Variants in CYP20A1 observed in about 807,000 individuals in gnomAD.
The protein encoded by CYP20A1 is cytochrome P450 20A1.
A neutral mutation model predicts 61.4 loss-of-function variants in CYP20A1; 61 were observed. The observed-to-expected ratio is 0.99, with a 90% CI of 0.81 to 1.23. The LOEUF is 1.23. CYP20A1 is among the 50% of genes most tolerant of loss of function. CYP20A1 has a pLI of 0.00. For synonymous variants in CYP20A1, 193 were observed against 188.2 expected, an observed-to-expected ratio of 1.03 and a Z score of -0.21; for missense variants, 530 against 542.4, an observed-to-expected ratio of 0.98 and a Z score of 0.23.
intron 6 of CYP20A1, among the ~76,000 whole-genome samples, chr2:203,273,993 A>G (rs963004271): frequency 6.6e-6 from 1 of 152,098 alleles, no homozygotes. Context: ...AATTCTTGCC[A>G]TTATAACATT....
Position 203,239,151 on chromosome 2 carries a change from C to T in CYP20A1, c.72+17C>T, listed in dbSNP as rs2066148700. Reference sequence around the variant, plus strand: ...CTCTATCCGGTGAGCGCCGTCTTGGCTCTCTGGGGCCCCGGGCGCCGCCCC... The same window carrying T: ...CTCTATCCGGTGAGCGCCGTCTTGGTTCTCTGGGGCCCCGGGCGCCGCCCC... On this transcript the variant is annotated intron_variant, in intron 1 of 12. Transcript: ENST00000356079. The T allele has an allele frequency of 6.2e-7, 1 of 1,609,136 alleles. No individual in the cohort carries two copies. The highest frequency in any genetic ancestry group is 1.1e-5 in the South Asian group (1 of 91,002).
chr2:203,261,767 C>T (rs2067146762), intron 4 of CYP20A1, among the ~76,000 whole-genome samples: 1 of 151,672 alleles, frequency 6.6e-6, no homozygotes. Context: ...TGCTATGGTG[C>T]CATATTAGCA....
At chr2:203,264,992 G>A (rs1408816206) in intron 4 of CYP20A1, among the ~76,000 whole-genome samples, 1 of 152,200 alleles carries the variant, frequency 6.6e-6, no homozygotes, top group Admixed American at 6.5e-5. Context: ...GCCTCCCAAA[G>A]TGCTGAGATT....
chr2:203,281,838 G>T (rs1039996786), intron 8 of CYP20A1, among the ~76,000 whole-genome samples: 4 of 151,842 alleles, frequency 2.6e-5, no homozygotes, highest in African/African-American at 9.7e-5. Flanking sequence ...ATTAGGACAT[G>T]AATTTAAATT....
intron 8 of CYP20A1, among the ~76,000 whole-genome samples, chr2:203,283,767 T>C (rs1056612111): frequency 2.0e-4 from 31 of 151,724 alleles, no homozygotes; most frequent in Non-Finnish European, 2.5e-4. Flanking sequence ...CAGGATGGTC[T>C]CGTTCTCTTG....
At position 203,296,829 on chromosome 2, in the gene CYP20A1, G is replaced by A. The variant is rs762579762; in HGVS notation, c.1310G>A (p.Gly437Glu). 34 of 1,611,816 alleles carry A rather than the reference G, an allele frequency of 2.1e-5. No homozygotes were observed. Among genetic ancestry groups the A allele is most frequent in the Non-Finnish European group, 2.8e-5 (33 of 1,179,130 alleles). ...AGACTGCACCTACTTTCTGTGGAGG[G>A]ACAGGTTATTGAAACAAAGTATGAA... ...VKRLHLLSVE[G>E]QVIETKYELV... The change falls in exon 13 of 13, where the codon GGA becomes GAA. Residue 437 changes from glycine (G) to glutamate (E), a missense_variant. By Grantham distance (98) the Gly-to-Glu change is moderately conservative. Coordinates refer to ENST00000356079, the MANE Select transcript of CYP20A1 (RefSeq NM_177538.3).
intron 4 of CYP20A1, among the ~76,000 whole-genome samples, chr2:203,260,887 C>T (rs1245184125): frequency 6.6e-6 from 1 of 152,072 alleles, no homozygotes; most frequent in Non-Finnish European, 1.5e-5. Context: ...AGTTTGTTTT[C>T]CTGCTTTATT....
Position 203,273,730 on chromosome 2 carries a change from G to C in CYP20A1, c.679+982G>C, listed in dbSNP as rs184015974. Among the ~76,000 whole-genome samples the C allele has an allele frequency of 7.3e-4, 111 of 152,248 alleles. 2 individuals carry two copies. Among genetic ancestry groups the C allele is most frequent in the Middle Eastern group, 3.4e-3 (1 of 294 alleles). On this transcript the variant is annotated intron_variant, in intron 6 of 12. Transcript: ENST00000356079. ...AGGCTGAGGTAGGCAGATTACTTGA[G>C]GCCAGGAGTTCGAGACCAATCTAGC...
At chr2:203,268,369 G>A (rs2067420356) in intron 5 of CYP20A1, among the ~76,000 whole-genome samples, 1 of 152,056 alleles carries the variant, frequency 6.6e-6, no homozygotes, top group Non-Finnish European at 1.5e-5. Context: ...TCTTTAATCT[G>A]GAACAGTTCC....
intron 11 of CYP20A1, among the ~76,000 whole-genome samples, chr2:203,295,311 G>A (rs13035339): frequency 0.019 from 2,882 of 152,046 alleles, 37 homozygotes; most frequent in East Asian, 0.051. Flanking sequence ...CTGGGCTCAA[G>A]CAATCCTCCC....
chr2:203,285,764 A>G, intron 9 of CYP20A1, 32 bp downstream of exon 9: 1 of 1,508,926 alleles, frequency 6.6e-7, no homozygotes, highest in Non-Finnish European at 8.8e-7. Context: ...GAGATTATTA[A>G]AAGGTAAATT....
chr2:203,257,971 A>C (rs2066970281), intron 4 of CYP20A1, among the ~76,000 whole-genome samples: 6 of 152,334 alleles, frequency 3.9e-5, no homozygotes, highest in East Asian at 1.9e-4. Context: ...GCACAATTAT[A>C]GCTCACTGGA....
intron 8 of CYP20A1, among the ~76,000 whole-genome samples, chr2:203,283,168 C>T (rs1293059680): frequency 6.7e-6 from 1 of 149,970 alleles, no homozygotes; most frequent in Non-Finnish European, 1.5e-5. Flanking sequence ...CAGAGTGTGA[C>T]CCTATCTAAA....
At chr2:203,287,100 T>G (rs2068304435) in intron 9 of CYP20A1, among the ~76,000 whole-genome samples, 1 of 149,302 alleles carries the variant, frequency 6.7e-6, no homozygotes. Context: ...ATGGCTGTAG[T>G]CCTAGCTACT....
chr2:203,277,025 A>G (rs916035742), intron 6 of CYP20A1, among the ~76,000 whole-genome samples: 5 of 152,140 alleles, frequency 3.3e-5, no homozygotes, highest in Admixed American at 6.6e-5. Context: ...TGTGGAGTCT[A>G]GGGGAGTATA....
intron 8 of CYP20A1, among the ~76,000 whole-genome samples, chr2:203,283,578 C>G (rs1166296067): frequency 7.6e-6 from 1 of 131,024 alleles, no homozygotes; most frequent in Non-Finnish European, 1.6e-5. Flanking sequence ...GAGACTGAGT[C>G]TTGCTCTGTC....
chr2:203,286,900 T>C (rs1024548074), intron 9 of CYP20A1, among the ~76,000 whole-genome samples: 1 of 151,956 alleles, frequency 6.6e-6, no homozygotes, highest in Non-Finnish European at 1.5e-5. Flanking sequence ...AACCCTATCT[T>C]GGAGCATAAA....
In CYP20A1 at chr2:203,278,635, A is replaced by G; in HGVS notation, c.742A>G (p.Ser248Gly). The change falls in exon 7 of 13, where the codon AGT becomes GGT. Residue 248 changes from serine to glycine, a missense_variant. Ser to Gly is a moderately conservative substitution (Grantham distance 56). Coordinates refer to ENST00000356079, the MANE Select transcript of CYP20A1 (RefSeq NM_177538.3). Reference sequence around the variant, plus strand: ...AAAAGAACGAAAAGGAAGGAACTTCAGTCAACATATTTTCATTGACTCCTT... The same window carrying G: ...AAAAGAACGAAAAGGAAGGAACTTCGGTCAACATATTTTCATTGACTCCTT... ...IIKERKGRNF[S>G]QHIFIDSLVQ... 6.2e-7 allele frequency: 1 copy of G among 1,607,778 alleles called. No homozygotes were observed. The highest frequency in any genetic ancestry group is 8.5e-7 in the Non-Finnish European group (1 of 1,176,892).
chr2:203,292,398 C>A, intron 11 of CYP20A1, 72 bp downstream of exon 11: 1 of 1,083,840 alleles, frequency 9.2e-7, no homozygotes, highest in Non-Finnish European at 1.4e-6. Flanking sequence ...CCTTTCCTAA[C>A]TGTTGAGTAG....
Sources: allele counts gnomAD v4.1 joint callset (sites outside exome capture counted in the v4.1 genomes callset), GRCh38; gene constraint gnomAD v4.1.1; transcripts MANE v1.5; gene names NCBI Gene and HGNC (gene_info 2026-07-23, HGNC 2026-07-21).